Variants in PCNX4 observed in about 807,000 individuals in gnomAD.
PCNX4 encodes the protein pecanex-like protein 4.
Under a neutral mutation model 107.2 loss-of-function variants are expected in PCNX4, and 103 were observed. That is an observed-to-expected ratio of 0.96 (90% CI 0.82 to 1.13). The LOEUF (loss-of-function observed/expected upper bound fraction) is 1.13, where lower values mean the gene tolerates loss of function less well. PCNX4 is among the 50% of genes most tolerant of loss of function. The pLI is 0.00. For missense variants in PCNX4, 1,528 were observed against 1,379.4 expected (o/e 1.11, Z -1.71); for synonymous variants, 541 against 481.7 (o/e 1.12, Z -1.61).
chr14:60,108,291 A>G lies in PCNX4; in HGVS notation c.653A>G (p.Tyr218Cys). 6.2e-7 allele frequency: 1 copy of G among 1,609,096 alleles called. No individual in the cohort carries two copies. The highest frequency in any genetic ancestry group is 8.5e-7 in the Non-Finnish European group (1 of 1,178,864). Reference sequence around the variant, plus strand: ...ATTATTCCTCTTATGAGACCTCTTTATATTTTTTTCTTTGTTTCTGTGGAT... The same window carrying G: ...ATTATTCCTCTTATGAGACCTCTTTGTATTTTTTTCTTTGTTTCTGTGGAT... ...YEIIPLMRPL[Y>C]IFFFVSVDLA... The change falls in exon 2 of 11, where the codon TAT becomes TGT. Residue 218 changes from tyrosine to cysteine, a missense_variant. Transcript: ENST00000406854.
intron 10 of PCNX4, among the ~76,000 whole-genome samples, chr14:60,128,032 A>G (rs1462266368): frequency 1.3e-5 from 2 of 152,190 alleles, no homozygotes; most frequent in Non-Finnish European, 2.9e-5. Flanking sequence ...ATTCTAGATC[A>G]ATAGAGATTA....
At chr14:60,102,352 A>AT (rs1474966698) in intron 1 of PCNX4, among the ~76,000 whole-genome samples, 4 of 152,094 alleles carry the variant, frequency 2.6e-5, no homozygotes, top group Non-Finnish European at 5.9e-5. Context: ...ACATCTCAAA[A>AT]TTTTTTTGTT....
At position 60,107,944 on chromosome 14, in the gene PCNX4, A is replaced by C; in HGVS notation, c.306A>C (p.Glu102Asp). 1 of 1,612,884 alleles carries C rather than the reference A, an allele frequency of 6.2e-7. No individual in the cohort carries two copies. The change falls in exon 2 of 11, where the codon GAA becomes GAC. Residue 102 changes from glutamate to aspartate, a missense_variant. By Grantham distance (45) the Glu-to-Asp change is conservative. Coordinates refer to ENST00000406854, the MANE Select transcript of PCNX4 (RefSeq NM_001330177.2). ...LYAKNKSTTVERILTTDILAE... is the reference protein window; with the variant it reads ...LYAKNKSTTVDRILTTDILAE... ...CCAAAAACAAATCAACAACAGTAGAAAGAATACTAACCACGGATATCTTAG... is the reference window on the plus strand; with the variant it reads ...CCAAAAACAAATCAACAACAGTAGACAGAATACTAACCACGGATATCTTAG...
chr14:60,099,073 T>G (rs892070834), intron 1 of PCNX4, among the ~76,000 whole-genome samples: 1 of 152,240 alleles, frequency 6.6e-6, no homozygotes, highest in Non-Finnish European at 1.5e-5. Flanking sequence ...GGATTCCTAC[T>G]GGTACCCTCA....
intron 1 of PCNX4, among the ~76,000 whole-genome samples, chr14:60,102,593 C>T (rs776815456): frequency 2.3e-4 from 35 of 152,044 alleles, no homozygotes; most frequent in Non-Finnish European, 4.3e-4. Context: ...TTTTGTTGGC[C>T]CACTTTCAGA....
chr14:60,125,396 T>G, intron 9 of PCNX4, 145 bp downstream of exon 9: 1 of 973,130 alleles, frequency 1.0e-6, no homozygotes, highest in Non-Finnish European at 1.4e-6. Context: ...ATGTGTAGTG[T>G]GATTGTATCA....
In PCNX4 at chr14:60,146,830, C is replaced by CTA. The variant is rs926483487; in HGVS notation, c.*12611_*12612dup. ...TAAGCAAGATACAGAAAAACAAGTA[C>CTA]TATGTGATTTCACTTCTGTGGAATC... On this transcript the variant is annotated 3_prime_UTR_variant, in exon 11 of 11. Transcript: ENST00000406854. This position sits in a 1 kb window ranked among gnomAD's most constrained non-coding sequence, Gnocchi z 4.9. 9.9e-5 allele frequency: 15 copies of CTA among 152,080 alleles called. No individual in the cohort carries two copies. The allele number at this position is 152,080 out of a possible 1,614,324, so 9.4% of individuals were successfully genotyped here.
chr14:60,107,853 C>T lies in PCNX4; in HGVS notation c.215C>T (p.Thr72Ile), dbSNP rs1353635126. The T allele has an allele frequency of 1.9e-6, 3 of 1,612,614 alleles. No individual in the cohort carries two copies. Among genetic ancestry groups the T allele is most frequent in the South Asian group, 1.1e-5 (1 of 91,092 alleles). ...TTAGGCATCCTGAAAGACTATTATA[C>T]AGCAGCACTTTCAGGTGGATTAATG... ...YQLGILKDYY[T>I]AALSGGLMLF... The change falls in exon 2 of 11, where the codon ACA (threonine) becomes ATA (isoleucine). Residue 72 changes from threonine (T) to isoleucine (I), a missense_variant. Thr to Ile is a moderately conservative substitution (Grantham distance 89). Coordinates refer to ENST00000406854, the MANE Select transcript of PCNX4 (RefSeq NM_001330177.2).
At chr14:60,098,768 T>A (rs219308) in intron 1 of PCNX4, among the ~76,000 whole-genome samples, 6 of 151,664 alleles carry the variant, frequency 4.0e-5, no homozygotes, top group African/African-American at 2.4e-5. Context: ...GTGAAACCCC[T>A]TCTCTGCTCA....
At chr14:60,110,326 G>A (rs1472260914) in intron 2 of PCNX4, 1 of 167,114 alleles carries the variant, frequency 6.0e-6, no homozygotes, top group Non-Finnish European at 1.5e-5. Flanking sequence ...GGTCTTGAGG[G>A]CTACCACCTG....
At chr14:60,102,514 C>T (rs1895552560) in intron 1 of PCNX4, among the ~76,000 whole-genome samples, 1 of 152,138 alleles carries the variant, frequency 6.6e-6, no homozygotes, top group Non-Finnish European at 1.5e-5. Context: ...AGATTGATCT[C>T]TGTTTCTTAC....
chr14:60,113,278 A>G (rs548115262), intron 2 of PCNX4, among the ~76,000 whole-genome samples: 1 of 152,362 alleles, frequency 6.6e-6, no homozygotes, highest in Non-Finnish European at 1.5e-5. Context: ...TGGCGTTACT[A>G]TATTATATCC....
intron 9 of PCNX4, 151 bp from the exon 10 acceptor site, chr14:60,125,486 A>G (rs1172089250): frequency 1.4e-6 from 1 of 724,206 alleles, no homozygotes; most frequent in South Asian, 3.4e-5. Flanking sequence ...TGATTTCTTC[A>G]CCTTAACTGC....
chr14:60,129,342 C>A (rs144544925), intron 10 of PCNX4, among the ~76,000 whole-genome samples: 42 of 151,992 alleles, frequency 2.8e-4, no homozygotes, highest in Admixed American at 2.6e-3. Context: ...TGCTTTGAGA[C>A]CAGGAGTTTG....
chr14:60,108,169 C>T lies in PCNX4; in HGVS notation c.531C>T (p.Phe177=), dbSNP rs778459754. The T allele has an allele frequency of 6.2e-7, 1 of 1,612,848 alleles. No individual in the cohort carries two copies. The highest frequency in any genetic ancestry group is 1.1e-5 in the South Asian group (1 of 91,084). ...YGSTGGTALL[F]FFGWMTLCIA... ...GTACAGGAGGCACTGCTCTACTATTCTTCTTTGGATGGATGACACTATGTA... is the reference window on the plus strand; with the variant it reads ...GTACAGGAGGCACTGCTCTACTATTTTTCTTTGGATGGATGACACTATGTA... Residue 177 remains phenylalanine (F), a synonymous_variant, in exon 2 of 11, where the codon TTC becomes TTT. Coordinates refer to ENST00000406854, the MANE Select transcript of PCNX4 (RefSeq NM_001330177.2).
intron 7 of PCNX4, 63 bp downstream of exon 7, chr14:60,118,755 A>C: frequency 6.9e-7 from 1 of 1,453,638 alleles, no homozygotes; most frequent in Admixed American, 2.6e-5. Context: ...AAAAAATAAC[A>C]AACAGGAAAA....
At position 60,115,244 on chromosome 14, in the gene PCNX4, A is replaced by G. The variant is rs755353624; in HGVS notation, c.1140A>G (p.Ser380=). The G allele has an allele frequency of 9.9e-6, 16 of 1,612,980 alleles. No homozygotes were observed. The Admixed American group carries it at 2.7e-4, about 27-fold the overall frequency. The change falls in exon 4 of 11, where the codon TCA becomes TCG. Residue 380 remains serine, a synonymous_variant. Coordinates refer to ENST00000406854, the MANE Select transcript of PCNX4 (RefSeq NM_001330177.2). ...TGCTTCATCACTTTGCTGGCTTCTC[A>G]CAGATTTCTAAAAGCAATTCCCAGG... is the stretch of plus-strand genomic sequence containing the variant. ...TSLLHHFAGF[S]QISKSNSQAI...
intron 4 of PCNX4, 67 bp downstream of exon 4, chr14:60,115,528 T>A: frequency 6.8e-7 from 1 of 1,465,194 alleles, no homozygotes; most frequent in Non-Finnish European, 9.1e-7. Flanking sequence ...AAAATATTAC[T>A]CAATTCCCAT....
intron 2 of PCNX4, chr14:60,109,337 A>G (rs1595166064): frequency 1.2e-5 from 2 of 167,136 alleles, no homozygotes; most frequent in African/African-American, 4.8e-5. Context: ...AGATTTTGCT[A>G]CCAAGAAGTG....
Sources: allele counts gnomAD v4.1 joint callset (sites outside exome capture counted in the v4.1 genomes callset), GRCh38; gene constraint gnomAD v4.1.1; non-coding constraint Gnocchi (gnomAD v3.1); transcripts MANE v1.5; gene names NCBI Gene and HGNC (gene_info 2026-07-23, HGNC 2026-07-21).